Variants in FAM210A observed in about 807,000 individuals in gnomAD.
FAM210A encodes family with sequence similarity 210 member A.
FAM210A carries 13 observed loss-of-function variants against 25.3 expected under a neutral mutation model. The ratio of observed to expected loss-of-function variants is 0.51; its 90% CI spans 0.33 to 0.82. The LOEUF is 0.82. Ranked by LOEUF, FAM210A falls within the 40% of genes least tolerant of loss-of-function variation. The pLI, the probability that FAM210A is intolerant of heterozygous loss-of-function variation, is 0.02. For synonymous variants in FAM210A, 125 were observed against 118.7 expected, an observed-to-expected ratio of 1.05 and a Z score of -0.35; for missense variants, 319 against 323.2, an observed-to-expected ratio of 0.99 and a Z score of 0.10.
Position 13,666,384 on chromosome 18 carries a change from C to T in FAM210A, c.*96G>A. Reference sequence around the variant, plus strand: ...CCCTCAGAGAACTAGTATATTTCGGCAACTAACCAAAAAAATAATCAGACA... The same window carrying T: ...CCCTCAGAGAACTAGTATATTTCGGTAACTAACCAAAAAAATAATCAGACA... On this transcript the variant is annotated 3_prime_UTR_variant, in exon 4 of 4. Coordinates refer to ENST00000651643, the MANE Select transcript of FAM210A (RefSeq NM_152352.4). The T allele has an allele frequency of 1.0e-6, 1 of 961,762 alleles. No homozygotes were observed. Among genetic ancestry groups the T allele is most frequent in the Non-Finnish European group, 1.6e-6 (1 of 643,432 alleles). The allele number at this position is 961,762 out of a possible 1,614,324, so 59.6% of individuals were successfully genotyped here. A position where few individuals can be genotyped will look rare whatever the true frequency, so the allele number is the denominator to read the frequency against.
At chr18:13,718,014 G>A (rs1268279547) in intron 1 of FAM210A, among the ~76,000 whole-genome samples, 1 of 152,142 alleles carries the variant, frequency 6.6e-6, no homozygotes, top group Non-Finnish European at 1.5e-5. Flanking sequence ...CACAAAAGAT[G>A]AACTCTGCCT....
At chr18:13,692,990 T>C (rs1376407237) in intron 1 of FAM210A, among the ~76,000 whole-genome samples, 1 of 152,090 alleles carries the variant, frequency 6.6e-6, no homozygotes, top group African/African-American at 2.4e-5. Flanking sequence ...GCAAAATTGA[T>C]AGACTGCTAG....
chr18:13,681,878 T>C lies in FAM210A; in HGVS notation c.200A>G (p.Glu67Gly). Residue 67 changes from glutamate (E) to glycine (G), a missense_variant, in exon 2 of 4, where the codon GAA becomes GGA. Glu to Gly is a moderately conservative substitution (Grantham distance 98, BLOSUM62 -2). Transcript: ENST00000651643. ...TGGATGAGCATCCAATGGCCTCCTT[T>C]CCTTTGCAACACACTGGGCAGCAGA... The part of the protein sequence containing the change: ...HLSAAQCVAK[E>G]RRPLDAHPPQ... 6.2e-7 allele frequency: 1 copy of C among 1,614,216 alleles called. No individual in the cohort carries two copies. The highest frequency in any genetic ancestry group is 8.5e-7 in the Non-Finnish European group (1 of 1,180,046).
At chr18:13,718,760 T>C (rs2043878976) in intron 1 of FAM210A, among the ~76,000 whole-genome samples, 1 of 152,204 alleles carries the variant, frequency 6.6e-6, no homozygotes, top group Admixed American at 6.5e-5. Context: ...ACTATGTTTG[T>C]TAAACCAAAA....
chr18:13,682,763 GGAGGCT>G (rs1454946686), intron 1 of FAM210A, among the ~76,000 whole-genome samples: 1 of 152,184 alleles, frequency 6.6e-6, no homozygotes, highest in Non-Finnish European at 1.5e-5. Context: ...CAGCTACTCG[GGAGGCT>G]GAGGCATGAG....
At chr18:13,675,658 T>C (rs61339179) in intron 2 of FAM210A, among the ~76,000 whole-genome samples, 160 of 83,272 alleles carry the variant, frequency 1.9e-3, no homozygotes, top group Middle Eastern at 9.3e-3. Context: ...TCCTGAGCCC[T>C]GGCTTCTTTA....
Position 13,664,985 on chromosome 18 carries a change from A to C in FAM210A, c.*1495T>G, listed in dbSNP as rs916145254. On this transcript the variant is annotated 3_prime_UTR_variant, in exon 4 of 4. Coordinates refer to ENST00000651643, the MANE Select transcript of FAM210A (RefSeq NM_152352.4). ...GAGCACAGGAAATAGACACTTACAT[A>C]CTCAAACACACCCCACCAGCCCCGC... is the stretch of plus-strand genomic sequence containing the variant. 2.0e-5 allele frequency: 3 copies of C among 152,684 alleles called. No homozygotes were observed. The highest frequency in any genetic ancestry group is 7.2e-5 in the African/African-American group (3 of 41,420). 9.5% of individuals were successfully genotyped at this position (152,684 alleles called of 1,614,324 possible). A position where few individuals can be genotyped will look rare whatever the true frequency, so the allele number is the denominator to read the frequency against.
chr18:13,693,113 T>C (rs1024353660), intron 1 of FAM210A, among the ~76,000 whole-genome samples: 4 of 152,120 alleles, frequency 2.6e-5, no homozygotes, highest in African/African-American at 9.7e-5. Flanking sequence ...GAGAATACTA[T>C]AAACACCTCT....
At position 13,673,666 on chromosome 18, in the gene FAM210A, T is replaced by A. The variant is rs2043463839; in HGVS notation, c.474-1693A>T. Reference sequence around the variant, plus strand: ...CCCGACTTCTTTATTTCCAGTTTCCTGATTATTAACATTCCTGAGCCGTGA... The same window carrying A: ...CCCGACTTCTTTATTTCCAGTTTCCAGATTATTAACATTCCTGAGCCGTGA... On this transcript the variant is annotated intron_variant, in intron 2 of 3. Coordinates refer to ENST00000651643, the MANE Select transcript of FAM210A (RefSeq NM_152352.4). Among the ~76,000 whole-genome samples, 5 of 135,492 alleles carry A rather than the reference T, an allele frequency of 3.7e-5. No individual in the cohort carries two copies. In the South Asian group the frequency reaches 1.2e-3, roughly 32 times the overall value. The allele number at this position is 135,492 out of a possible 152,430, so 88.9% of individuals were successfully genotyped here. A position where few individuals can be genotyped will look rare whatever the true frequency, so the allele number is the denominator to read the frequency against.
At chr18:13,696,085 T>C (rs1389689888) in intron 1 of FAM210A, among the ~76,000 whole-genome samples, 2 of 151,992 alleles carry the variant, frequency 1.3e-5, no homozygotes. Flanking sequence ...AAATCAAAGG[T>C]CTAAATAAAT....
At chr18:13,696,654 C>A (rs1309427576) in intron 1 of FAM210A, among the ~76,000 whole-genome samples, 1 of 152,088 alleles carries the variant, frequency 6.6e-6, no homozygotes, top group Non-Finnish European at 1.5e-5. Context: ...GATGATCCTG[C>A]CCCTGGGTAG....
intron 1 of FAM210A, chr18:13,697,710 A>C (rs1342784754): frequency 6.6e-6 from 1 of 151,664 alleles, no homozygotes. Context: ...AAATTCCAAC[A>C]GTTAAGTTCT....
intron 1 of FAM210A, among the ~76,000 whole-genome samples, chr18:13,712,242 C>T (rs1215208920): frequency 6.6e-6 from 1 of 152,170 alleles, no homozygotes; most frequent in African/African-American, 2.4e-5. Flanking sequence ...TATTAAGACA[C>T]AGGGAAAAAC....
At position 13,666,005 on chromosome 18, in the gene FAM210A, T is replaced by G. The variant is rs1379791641; in HGVS notation, c.*475A>C. 6.3e-6 allele frequency: 1 copy of G among 158,244 alleles called. No homozygotes were observed. Among genetic ancestry groups the G allele is most frequent in the Non-Finnish European group, 1.4e-5 (1 of 71,390 alleles). The allele number at this position is 158,244 out of a possible 1,614,324, so 9.8% of individuals were successfully genotyped here. A position where few individuals can be genotyped will look rare whatever the true frequency, so the allele number is the denominator to read the frequency against. The stretch of plus-strand genomic sequence containing the variant: ...TGTTTTTATAGAAAGACTAAACACC[T>G]TATTTACAGGCAGTTTTGATGATGC... On this transcript the variant is annotated 3_prime_UTR_variant, in exon 4 of 4. Transcript: ENST00000651643.
chr18:13,710,309 G>A (rs940863820), intron 1 of FAM210A: 8 of 151,962 alleles, frequency 5.3e-5, no homozygotes, highest in East Asian at 3.9e-4. Flanking sequence ...TCAGCCTCTC[G>A]AGTAGCTGGG....
At chr18:13,692,698 A>G (rs1280779179) in intron 1 of FAM210A, among the ~76,000 whole-genome samples, 7 of 152,260 alleles carry the variant, frequency 4.6e-5, no homozygotes, top group Non-Finnish European at 8.8e-5. Context: ...TTTGAAACCA[A>G]TGAGAACAAA....
intron 2 of FAM210A, among the ~76,000 whole-genome samples, chr18:13,673,561 C>A (rs1346504876): frequency 1.3e-5 from 2 of 149,744 alleles, no homozygotes; most frequent in Non-Finnish European, 1.5e-5. Context: ...GCCCCGACTT[C>A]TTTATTTCCA....
Position 13,666,425 on chromosome 18 carries a change from A to G in FAM210A, c.*55T>C. On this transcript the variant is annotated 3_prime_UTR_variant, in exon 4 of 4. Transcript: ENST00000651643. ...TAATCAGACACATGTATCTTTGCCC[A>G]TAGTTTCCAAAGGGTTAAAGTGCAG... 7.1e-7 allele frequency: 1 copy of G among 1,402,712 alleles called. No individual in the cohort carries two copies. The highest frequency in any genetic ancestry group is 1.3e-5 in the South Asian group (1 of 79,256). The allele number at this position is 1,402,712 out of a possible 1,614,324, so 86.9% of individuals were successfully genotyped here.
At chr18:13,707,462 T>C (rs537102563) in intron 1 of FAM210A, among the ~76,000 whole-genome samples, 9 of 152,374 alleles carry the variant, frequency 5.9e-5, no homozygotes, top group Non-Finnish European at 1.3e-4. Flanking sequence ...AGGTACCCTC[T>C]ACTCAGTCCT....
Sources: gnomAD v4.1 joint callset for allele counts (sites outside exome capture counted in the v4.1 genomes callset) on GRCh38, gnomAD v4.1.1 for gene constraint, MANE v1.5 for transcripts, NCBI Gene and HGNC (gene_info 2026-07-23, HGNC 2026-07-21) for gene names.